TCF4: variants seen among roughly 807,000 people sequenced by gnomAD.
TCF4 encodes SL3-3 enhancer factor 2.
In TCF4, 3 loss-of-function variants were observed where a neutral mutation model predicts 82.1. The observed-to-expected ratio is 0.04, with a 90% confidence interval of 0.02 to 0.09. The LOEUF (loss-of-function observed/expected upper bound fraction) is 0.09. Ranked by LOEUF, TCF4 falls within the 10% of genes least tolerant of loss-of-function variation. The pLI is 1.00. For missense variants in TCF4, 518 were observed against 852.7 expected (o/e 0.61, Z 4.89); for synonymous variants, 276 against 309.6 (o/e 0.89, Z 1.14).
chr18:55,302,078 G>A (rs564545085), intron 8 of TCF4, among the ~76,000 whole-genome samples: 12 of 152,300 alleles, frequency 7.9e-5, no homozygotes, highest in South Asian at 4.1e-4. Flanking sequence ...AACTCCGTCC[G>A]TTTGCCCTGA....
intron 2 of TCF4, among the ~76,000 whole-genome samples, chr18:55,613,986 A>G (rs1285147148): frequency 6.6e-6 from 1 of 152,194 alleles, no homozygotes; most frequent in African/African-American, 2.4e-5. Flanking sequence ...TGTCATGATC[A>G]TAGCTCACTG....
intron 8 of TCF4, among the ~76,000 whole-genome samples, chr18:55,348,757 T>C (rs901372943): frequency 1.9e-4 from 29 of 152,200 alleles, no homozygotes; most frequent in Admixed American, 1.8e-3. Flanking sequence ...AATCTTAGCA[T>C]TGGATAAAAC....
intron 5 of TCF4, among the ~76,000 whole-genome samples, chr18:55,416,979 A>G (rs9807592): frequency 1.3e-5 from 2 of 152,198 alleles, no homozygotes; most frequent in African/African-American, 4.8e-5. Flanking sequence ...CGAGTGCTCA[A>G]AGCAAAAATC....
At chr18:55,419,865 C>T (rs546740481) in intron 5 of TCF4, among the ~76,000 whole-genome samples, 4 of 152,288 alleles carry the variant, frequency 2.6e-5, no homozygotes, top group African/African-American at 9.6e-5. Context: ...CTTCGCTGCC[C>T]ACAAACAAAT....
rs2082084829 is a variant in TCF4, at chr18:55,350,372, C to T, written c.536G>A (p.Gly179Asp). ...QTKKVRKVPP[G>D]LPSSVYAPSA... ...AGCAGTACTTACTGAAGATGGCAAA[C>T]CTGGAGGAACTTTTCGAACTTTCTT... Residue 179 changes from glycine (G) to aspartate (D), a missense_variant, in exon 8 of 20, where the codon GGT becomes GAT. Coordinates refer to ENST00000354452, the MANE Select transcript of TCF4 (RefSeq NM_001083962.2). The T allele has an allele frequency of 6.2e-7, 1 of 1,613,624 alleles. No homozygotes were observed. The highest frequency in any genetic ancestry group is 8.5e-7 in the Non-Finnish European group (1 of 1,179,684).
chr18:55,347,703 A>G (rs561450870), intron 8 of TCF4, among the ~76,000 whole-genome samples: 2 of 152,288 alleles, frequency 1.3e-5, no homozygotes, highest in South Asian at 4.1e-4. Flanking sequence ...CGTGTCACAA[A>G]TAATACCTGA....
chr18:55,337,199 A>C (rs2078842602), intron 8 of TCF4, among the ~76,000 whole-genome samples: 1 of 152,168 alleles, frequency 6.6e-6, no homozygotes, highest in African/African-American at 2.4e-5. Context: ...AACTCTTAAG[A>C]GATACACTCT....
upstream of TCF4, chr18:55,588,636 G>T: frequency 7.0e-7 from 1 of 1,432,760 alleles, no homozygotes; most frequent in Non-Finnish European, 9.2e-7. Flanking sequence ...ACACGGCAAA[G>T]CAAGTTTATA....
chr18:55,332,621 C>T (rs1376305074), intron 8 of TCF4, among the ~76,000 whole-genome samples: 2 of 152,242 alleles, frequency 1.3e-5, no homozygotes, highest in East Asian at 3.8e-4. Context: ...TGGCCATACA[C>T]ACTTCGGTGC....
Position 55,225,810 on chromosome 18 carries a change from T to A in TCF4, c.*2225A>T, listed in dbSNP as rs1568274699. On this transcript the variant is annotated 3_prime_UTR_variant, in exon 20 of 20. Transcript: ENST00000354452. The stretch of plus-strand genomic sequence containing the variant: ...TAATCCACCTCCACATTTTAGGAAC[T>A]TATCAACAAATCAAAGTTATTTTAG... 6.6e-6 allele frequency: 1 copy of A among 152,604 alleles called. No individual in the cohort carries two copies. The highest frequency in any genetic ancestry group is 1.5e-5 in the Non-Finnish European group (1 of 67,998). The allele number at this position is 152,604 out of a possible 1,614,324, so 9.5% of individuals were successfully genotyped here.
At chr18:55,431,235 T>C (rs2095180920) in intron 5 of TCF4, among the ~76,000 whole-genome samples, 1 of 152,160 alleles carries the variant, frequency 6.6e-6, no homozygotes, top group African/African-American at 2.4e-5. Context: ...TGACATCTCA[T>C]CTAAATTTGT....
chr18:55,386,184 C>T (rs1232104215), intron 6 of TCF4, among the ~76,000 whole-genome samples: 5 of 152,262 alleles, frequency 3.3e-5, no homozygotes, highest in Admixed American at 2.0e-4. Context: ...CCCACGGCTC[C>T]GCTGAATGAC....
At chr18:55,368,021 G>C (rs2087715822) in intron 6 of TCF4, among the ~76,000 whole-genome samples, 1 of 152,206 alleles carries the variant, frequency 6.6e-6, no homozygotes, top group Non-Finnish European at 1.5e-5. Flanking sequence ...AGCATCTTGA[G>C]AAATGAATGG....
Position 55,586,161 on chromosome 18 carries a change from GCAGCAGCAGCAGCAGCAGC to G in TCF4, c.73-828_73-810del, listed in dbSNP as rs1568465754. 12 of 247,434 alleles carry G rather than the reference GCAGCAGCAGCAGCAGCAGC, an allele frequency of 4.8e-5. 1 individual carries two copies. In the African/African-American group the frequency reaches 7.2e-4, roughly 15 times the overall value. 15.3% of individuals were successfully genotyped at this position (247,434 alleles called of 1,614,324 possible). ...AGGAGGAGGAGGAGGAGGAGCAGCA[GCAGCAGCAGCAGCAGCAGC>G]AGCAGCAGCAGCAGCAGCAGCAGCA... is the stretch of plus-strand genomic sequence containing the variant. On this transcript the variant is annotated intron_variant, in intron 2 of 19. Transcript: ENST00000354452.
chr18:55,228,625 A>G lies in TCF4; in HGVS notation c.1879+222T>C, dbSNP rs543892225. Among the ~76,000 whole-genome samples the G allele has an allele frequency of 3.9e-5, 6 of 152,362 alleles. No homozygotes were observed. The South Asian group carries it at 1.2e-3, about 32-fold the overall frequency. ...TCAAATTACTGAAAGGATATAGGGA[A>G]AGTTGCAATATAATCTTAGTTATAA... is the stretch of plus-strand genomic sequence containing the variant. On this transcript the variant is annotated intron_variant, in intron 18 of 19. Coordinates refer to ENST00000354452, the MANE Select transcript of TCF4 (RefSeq NM_001083962.2).
chr18:55,547,205 A>G (rs1321170766), intron 3 of TCF4, among the ~76,000 whole-genome samples: 1 of 152,210 alleles, frequency 6.6e-6, no homozygotes, highest in African/African-American at 2.4e-5. Flanking sequence ...CTTCAGTGTC[A>G]TTGCACTATT....
intron 3 of TCF4, among the ~76,000 whole-genome samples, chr18:55,500,250 T>G (rs1175415998): frequency 2.0e-5 from 3 of 152,162 alleles, no homozygotes; most frequent in African/African-American, 7.2e-5. Context: ...TGGATGAAAG[T>G]CAGAAGCTCT....
chr18:55,438,431 C>T (rs957392773), intron 5 of TCF4, among the ~76,000 whole-genome samples: 1 of 151,910 alleles, frequency 6.6e-6, no homozygotes, highest in African/African-American at 2.4e-5. Flanking sequence ...GTGATCTATT[C>T]CCAGAAAAAA....
At chr18:55,587,587 C>G (rs1054616403) in intron 1 of TCF4, among the ~76,000 whole-genome samples, 1 of 151,622 alleles carries the variant, frequency 6.6e-6, no homozygotes, top group South Asian at 2.1e-4. Flanking sequence ...CCCTCGCACA[C>G]TCACACTCGC....
Sources: gnomAD v4.1 joint callset for allele counts (sites outside exome capture counted in the v4.1 genomes callset) on GRCh38, gnomAD v4.1.1 for gene constraint, MANE v1.5 for transcripts, NCBI Gene and HGNC (gene_info 2026-07-23, HGNC 2026-07-21) for gene names.